Variants in QKI observed in about 807,000 individuals in gnomAD.
QKI encodes QKI, KH domain containing RNA binding, also known as KH domain-containing RNA-binding protein QKI.
A neutral mutation model predicts 39.0 loss-of-function variants in QKI; 10 were observed. The ratio of observed to expected loss-of-function variants is 0.26; its 90% CI spans 0.16 to 0.43. QKI has a LOEUF of 0.43. Among genes scored for constraint, QKI ranks in the 20% least tolerant of loss-of-function variants. The pLI is 1.00. For synonymous variants in QKI, 204 were observed against 155.4 expected, an observed-to-expected ratio of 1.31 and a Z score of -2.33; for missense variants, 218 against 428.0, an observed-to-expected ratio of 0.51 and a Z score of 4.33.
At position 163,578,141 on chromosome 6, in the gene QKI, T is replaced by C. The variant is rs530309814; in HGVS notation, c.*7431T>C. On this transcript the variant is annotated 3_prime_UTR_variant, in exon 8 of 8. Coordinates refer to ENST00000361752, the MANE Select transcript of QKI (RefSeq NM_006775.3). ...ACAACAGTTCCAATTTTAAGGAGTGTCTCCTAAAATTGGGATGAAAATCTA... is the reference window on the plus strand; with the variant it reads ...ACAACAGTTCCAATTTTAAGGAGTGCCTCCTAAAATTGGGATGAAAATCTA... The C allele has an allele frequency of 6.6e-6, 1 of 152,178 alleles. No individual in the cohort carries two copies. Among genetic ancestry groups the C allele is most frequent in the South Asian group, 2.1e-4 (1 of 4,826 alleles). 9.4% of individuals were successfully genotyped at this position (152,178 alleles called of 1,614,324 possible).
chr6:163,559,252 A>G (rs899001537), intron 4 of QKI, among the ~76,000 whole-genome samples: 25 of 152,020 alleles, frequency 1.6e-4, no homozygotes, highest in African/African-American at 6.0e-4. Flanking sequence ...ATTTGCTGAC[A>G]TTTTCAAACT....
chr6:163,568,076 T>C (rs1783475084), intron 7 of QKI: 3 of 985,456 alleles, frequency 3.0e-6, no homozygotes. Flanking sequence ...TGGTCGTCTA[T>C]GAGGATGGTA....
At chr6:163,429,204 T>C (rs1490169681) in intron 1 of QKI, among the ~76,000 whole-genome samples, 1 of 152,210 alleles carries the variant, frequency 6.6e-6, no homozygotes, top group African/African-American at 2.4e-5. Context: ...TTGAATTTCT[T>C]TCAGTAATCC....
chr6:163,513,862 A>G (rs562712352), intron 3 of QKI, among the ~76,000 whole-genome samples: 3 of 152,194 alleles, frequency 2.0e-5, no homozygotes, highest in Admixed American at 1.3e-4. Context: ...AAATAGTAGC[A>G]GAGTGTTAGC....
At chr6:163,424,143 A>C (rs2128208514) in intron 1 of QKI, among the ~76,000 whole-genome samples, 1 of 152,340 alleles carries the variant, frequency 6.6e-6, no homozygotes, top group East Asian at 1.9e-4. Context: ...GCTATGTTAC[A>C]GCAATTATAT....
rs1234253125 is a variant in QKI at position 163,577,111 on chromosome 6, T to A, written c.*6401T>A. The A allele has an allele frequency of 2.0e-5, 3 of 152,238 alleles. No homozygotes were observed. The highest frequency in any genetic ancestry group is 2.9e-5 in the Non-Finnish European group (2 of 68,036). The allele number at this position is 152,238 out of a possible 1,614,324, so 9.4% of individuals were successfully genotyped here. A position where few individuals can be genotyped will look rare whatever the true frequency, so the allele number is the denominator to read the frequency against. ...TTATTAAAAAAATCATTTCCAGTAG[T>A]GTGAAACCTTTACGAGTCTTTAACA... is the stretch of plus-strand genomic sequence containing the variant. On this transcript the variant is annotated 3_prime_UTR_variant, in exon 8 of 8. Transcript: ENST00000361752.
chr6:163,566,646 T>C (rs1783375071), intron 6 of QKI, 75 bp from the exon 7 acceptor site: 3 of 1,573,246 alleles, frequency 1.9e-6, no homozygotes, highest in Non-Finnish European at 8.6e-7. Flanking sequence ...TCCATTTTGA[T>C]AAACCTGCTG....
At chr6:163,463,601 C>T (rs1791501440) in intron 2 of QKI, among the ~76,000 whole-genome samples, 1 of 152,170 alleles carries the variant, frequency 6.6e-6, no homozygotes. Flanking sequence ...GTGTATCATT[C>T]TTTGAGTACT....
intron 3 of QKI, among the ~76,000 whole-genome samples, chr6:163,520,917 A>T (rs1780113930): frequency 6.6e-6 from 1 of 152,158 alleles, no homozygotes; most frequent in South Asian, 2.1e-4. Context: ...TTGGAAGAAA[A>T]GTCTAGGATT....
At chr6:163,506,700 A>G (rs1036305479) in intron 3 of QKI, among the ~76,000 whole-genome samples, 1 of 152,194 alleles carries the variant, frequency 6.6e-6, no homozygotes, top group Admixed American at 6.5e-5. Flanking sequence ...TATCTTAACC[A>G]CTATAATGTG....
At chr6:163,528,910 A>C (rs571725092) in intron 3 of QKI, among the ~76,000 whole-genome samples, 2 of 152,300 alleles carry the variant, frequency 1.3e-5, no homozygotes, top group East Asian at 3.9e-4. Flanking sequence ...TAGTATTTAT[A>C]TGTAATTTGC....
intron 4 of QKI, among the ~76,000 whole-genome samples, chr6:163,550,519 C>CT (rs1412877015): frequency 3.3e-5 from 5 of 152,194 alleles, no homozygotes; most frequent in African/African-American, 1.2e-4. Flanking sequence ...TATTATAAAA[C>CT]TGAGTTCTAA....
intron 1 of QKI, among the ~76,000 whole-genome samples, chr6:163,442,690 C>T (rs549867930): frequency 5.9e-5 from 9 of 152,098 alleles, no homozygotes; most frequent in Admixed American, 2.6e-4. Flanking sequence ...TGTCATTGCC[C>T]GAGATCAGGA....
At chr6:163,430,978 A>G (rs1013069753) in intron 1 of QKI, among the ~76,000 whole-genome samples, 5 of 152,094 alleles carry the variant, frequency 3.3e-5, no homozygotes, top group African/African-American at 9.7e-5. Flanking sequence ...TTAACTGAGC[A>G]TTTTCTGAAA....
At chr6:163,448,588 T>G (rs1031045795) in intron 1 of QKI, among the ~76,000 whole-genome samples, 3 of 151,780 alleles carry the variant, frequency 2.0e-5, no homozygotes, top group African/African-American at 7.3e-5. Context: ...AATAATAAAT[T>G]AGCTGACCAT....
chr6:163,510,906 TTTATTA>T (rs1779412010), intron 3 of QKI, among the ~76,000 whole-genome samples: 1 of 152,180 alleles, frequency 6.6e-6, no homozygotes, highest in South Asian at 2.1e-4. Context: ...AGATTTGAAA[TTTATTA>T]TTAGCCATTC....
At chr6:163,564,003 G>A in intron 6 of QKI, 2 of 1,233,780 alleles carry the variant, frequency 1.6e-6, no homozygotes, top group Non-Finnish European at 2.0e-6. Context: ...CATTACTGAG[G>A]TCATTCTGAG....
rs115007043 is a variant in QKI, at chr6:163,543,886, A to G, written c.546+8761A>G. Among the ~76,000 whole-genome samples, 683 of 152,192 alleles carry G rather than the reference A, an allele frequency of 4.5e-3. 3 individuals are homozygous for G. Among genetic ancestry groups the G allele is most frequent in the African/African-American group, 0.012 (502 of 41,552 alleles). On this transcript the variant is annotated intron_variant, in intron 4 of 7. Coordinates refer to ENST00000361752, the MANE Select transcript of QKI (RefSeq NM_006775.3). ...ATAAATTTCCTATCTTAATTTAAAT[A>G]TATTTTCAGATAATGCTATTATACT...
chr6:163,495,265 G>A (rs1172193204), intron 3 of QKI, among the ~76,000 whole-genome samples: 2 of 152,130 alleles, frequency 1.3e-5, no homozygotes, highest in African/African-American at 4.8e-5. Flanking sequence ...ATTATGTATT[G>A]ATGGTTGATG....
Sources: gnomAD v4.1 joint callset for allele counts (sites outside exome capture counted in the v4.1 genomes callset) on GRCh38, gnomAD v4.1.1 for gene constraint, MANE v1.5 for transcripts, NCBI Gene and HGNC (gene_info 2026-07-23, HGNC 2026-07-21) for gene names.